KCNT2: variants seen among roughly 807,000 people sequenced by gnomAD.
KCNT2 encodes potassium channel subfamily T member 2.
Under a neutral mutation model 153.8 loss-of-function variants are expected in KCNT2, and 67 were observed. The ratio of observed to expected loss-of-function variants is 0.44; its 90% CI spans 0.36 to 0.53. The LOEUF (loss-of-function observed/expected upper bound fraction) is 0.53. Ranked by LOEUF, KCNT2 falls within the 20% of genes least tolerant of loss-of-function variation. The pLI, the probability that KCNT2 is intolerant of heterozygous loss-of-function variation, is 0.00. For missense variants in KCNT2, 975 were observed against 1,354.8 expected (o/e 0.72, Z 4.40); for synonymous variants, 500 against 458.8 (o/e 1.09, Z -1.15).
At chr1:196,408,180 G>A (rs1232952795) in intron 12 of KCNT2, among the ~76,000 whole-genome samples, 1 of 151,146 alleles carries the variant, frequency 6.6e-6, no homozygotes, top group Non-Finnish European at 1.5e-5. Context: ...TCACTACATG[G>A]GGCCACAAAC....
At chr1:196,452,456 T>C (rs913020782) in intron 8 of KCNT2, among the ~76,000 whole-genome samples, 4 of 152,104 alleles carry the variant, frequency 2.6e-5, no homozygotes, top group East Asian at 1.9e-4. Flanking sequence ...CTCTCCTATA[T>C]GGTCTCAGTC....
intron 8 of KCNT2, among the ~76,000 whole-genome samples, chr1:196,432,143 G>C (rs774398061): frequency 2.0e-5 from 3 of 152,134 alleles, no homozygotes; most frequent in Non-Finnish European, 4.4e-5. Flanking sequence ...TCAGGATGCT[G>C]CTATGGAAGT....
At chr1:196,468,673 T>A (rs947242321) in intron 6 of KCNT2, among the ~76,000 whole-genome samples, 37 of 152,164 alleles carry the variant, frequency 2.4e-4, no homozygotes, top group Admixed American at 1.3e-3. Context: ...GCTTATTTTT[T>A]TAAAAAAAAT....
intron 13 of KCNT2, among the ~76,000 whole-genome samples, chr1:196,373,597 C>T (rs1026514322): frequency 2.6e-5 from 4 of 151,766 alleles, no homozygotes; most frequent in African/African-American, 9.7e-5. Context: ...ATTTCAAATA[C>T]TTTATAAAGT....
At chr1:196,362,625 A>C (rs560806497) in intron 14 of KCNT2, among the ~76,000 whole-genome samples, 1 of 152,116 alleles carries the variant, frequency 6.6e-6, no homozygotes. Context: ...GGTTTTGCTG[A>C]GGGAAATCCT....
At chr1:196,355,555 C>T (rs1306849141) in intron 14 of KCNT2, among the ~76,000 whole-genome samples, 2 of 151,634 alleles carry the variant, frequency 1.3e-5, no homozygotes, top group Non-Finnish European at 3.0e-5. Context: ...AAAAAGGTGC[C>T]AAAGTTAGAT....
chr1:196,401,309 A>C (rs1671396769), intron 12 of KCNT2, among the ~76,000 whole-genome samples: 1 of 151,832 alleles, frequency 6.6e-6, no homozygotes, highest in Admixed American at 6.6e-5. Flanking sequence ...AGTATTATTC[A>C]ATTTATGAAT....
intron 1 of KCNT2, among the ~76,000 whole-genome samples, chr1:196,597,864 G>T (rs138028780): frequency 6.8e-4 from 104 of 152,232 alleles, no homozygotes; most frequent in African/African-American, 2.5e-3. Flanking sequence ...ATAAGTAGGT[G>T]TAAGTGTTAA....
At chr1:196,254,063 T>A (rs1656241417) in intron 26 of KCNT2, among the ~76,000 whole-genome samples, 1 of 151,464 alleles carries the variant, frequency 6.6e-6, no homozygotes, top group African/African-American at 2.4e-5. Context: ...ATATTTTAAT[T>A]TAAGGAGATA....
chr1:196,290,308 C>T (rs1172722307), intron 22 of KCNT2, among the ~76,000 whole-genome samples: 1 of 152,012 alleles, frequency 6.6e-6, no homozygotes, highest in African/African-American at 2.4e-5. Context: ...TTTCACATCA[C>T]TCTATCTCAG....
At chr1:196,576,322 A>G (rs1661382255) in intron 1 of KCNT2, among the ~76,000 whole-genome samples, 1 of 152,096 alleles carries the variant, frequency 6.6e-6, no homozygotes, top group East Asian at 1.9e-4. Context: ...ATCCAGAGAA[A>G]TTAAACTAAT....
chr1:196,546,317 T>C (rs1454289762), intron 1 of KCNT2, among the ~76,000 whole-genome samples: 2 of 152,140 alleles, frequency 1.3e-5, no homozygotes, highest in Non-Finnish European at 2.9e-5. Context: ...TTGTCACGCA[T>C]ACATTTGGTG....
intron 19 of KCNT2, among the ~76,000 whole-genome samples, chr1:196,320,926 T>C (rs1663245361): frequency 1.3e-5 from 2 of 151,740 alleles, no homozygotes; most frequent in African/African-American, 4.8e-5. Context: ...TTGCAGTACC[T>C]TGCTATCGTA....
chr1:196,229,954 A>G (rs1267117887), intron 27 of KCNT2, among the ~76,000 whole-genome samples: 1 of 152,098 alleles, frequency 6.6e-6, no homozygotes, highest in African/African-American at 2.4e-5. Flanking sequence ...AGTCCCCTCC[A>G]TAACATAAAC....
intron 2 of KCNT2, among the ~76,000 whole-genome samples, chr1:196,491,567 T>A (rs1679863609): frequency 6.6e-6 from 1 of 152,038 alleles, no homozygotes; most frequent in Admixed American, 6.6e-5. Context: ...ATTGGTTTAT[T>A]ACATATGGCT....
At chr1:196,272,036 T>A (rs1371295836) in intron 25 of KCNT2, among the ~76,000 whole-genome samples, 1 of 151,892 alleles carries the variant, frequency 6.6e-6, no homozygotes, top group African/African-American at 2.4e-5. Context: ...CCTTGTGAAA[T>A]GATAAGAATA....
At chr1:196,562,370 G>C (rs1659528196) in intron 1 of KCNT2, among the ~76,000 whole-genome samples, 1 of 151,766 alleles carries the variant, frequency 6.6e-6, no homozygotes, top group South Asian at 2.1e-4. Context: ...AAGGAAGGAG[G>C]GTATGTTGAG....
chr1:196,314,509 C>T (rs1422038254), intron 21 of KCNT2, among the ~76,000 whole-genome samples: 1 of 151,680 alleles, frequency 6.6e-6, no homozygotes, highest in Non-Finnish European at 1.5e-5. Flanking sequence ...AAGTGAACTG[C>T]TGCATTATAA....
chr1:196,413,414 AT>A (rs1474614484), intron 12 of KCNT2, among the ~76,000 whole-genome samples: 3 of 151,574 alleles, frequency 2.0e-5, no homozygotes, highest in Non-Finnish European at 1.5e-5. Flanking sequence ...CTTTTTTTCC[AT>A]TTTTTATTAA....
Sources: allele counts gnomAD v4.1 joint callset (sites outside exome capture counted in the v4.1 genomes callset), GRCh38; gene constraint gnomAD v4.1.1; transcripts MANE v1.5; gene names NCBI Gene and HGNC (gene_info 2026-07-23, HGNC 2026-07-21).